RIMBP2: variants seen among roughly 807,000 people sequenced by gnomAD.
RIMBP2 encodes the protein RIMS binding protein 2.
In RIMBP2, 48 loss-of-function variants were observed where a neutral mutation model predicts 118.6. That is an observed-to-expected ratio of 0.40 (90% confidence interval 0.32 to 0.51). RIMBP2 has a LOEUF of 0.51. Ranked by LOEUF, RIMBP2 falls within the 20% of genes least tolerant of loss-of-function variation. The pLI, the probability that RIMBP2 is intolerant of heterozygous loss-of-function variation, is 0.41. For synonymous variants in RIMBP2, 762 were observed against 742.9 expected, an observed-to-expected ratio of 1.03 and a Z score of -0.42; for missense variants, 1,551 against 1,768.3, an observed-to-expected ratio of 0.88 and a Z score of 2.20.
Position 130,422,755 on chromosome 12 carries a change from G to A in RIMBP2, c.3130-194C>T, listed in dbSNP as rs900759273. Reference sequence around the variant, plus strand: ...AGCACCCCACTGTCTACTCGGAGCCGCTGCTGGGCGCATGGTGGGGTGAGG... The same window carrying A: ...AGCACCCCACTGTCTACTCGGAGCCACTGCTGGGCGCATGGTGGGGTGAGG... On this transcript the variant is annotated intron_variant, in intron 16 of 22. Transcript: ENST00000690449. This position sits in a 1 kb window ranked among gnomAD's most constrained non-coding sequence, Gnocchi z 5.2. Among the ~76,000 whole-genome samples the A allele has an allele frequency of 4.6e-5, 7 of 152,220 alleles. No individual in the cohort carries two copies. The highest frequency in any genetic ancestry group is 2.0e-4 in the Admixed American group (3 of 15,284).
At chr12:130,423,446 G>A (rs918094397) in intron 16 of RIMBP2, among the ~76,000 whole-genome samples, 2 of 152,162 alleles carry the variant, frequency 1.3e-5, no homozygotes, top group African/African-American at 2.4e-5. Context: ...TGTTTTCAAT[G>A]AAAAGGTCAG....
rs1446933158 is a variant in RIMBP2, at chr12:130,424,473, C to CCAAACCGCG, written c.2789_2797dup (p.Phe932_Gly933insAlaArgPhe). On this transcript the variant is annotated inframe_insertion, in exon 16 of 23. Transcript: ENST00000690449. The surrounding 1 kb of genome is among the most constrained non-coding windows in gnomAD (Gnocchi z 9.8). ...GCACGCGGCCACGGTGTTTCCGAAGCCAAACCGCGACTCGTCCTCTTCACT... is the reference window on the plus strand; with the variant it reads ...GCACGCGGCCACGGTGTTTCCGAAGCCAAACCGCGCAAACCGCGACTCGTCCTCTTCACT... 1.6e-6 allele frequency: 2 copies of CCAAACCGCG among 1,232,014 alleles called. No homozygotes were observed. The highest frequency in any genetic ancestry group is 2.0e-6 in the Non-Finnish European group (2 of 987,852). The allele number at this position is 1,232,014 out of a possible 1,614,324, so 76.3% of individuals were successfully genotyped here.
rs531513141 is a variant in RIMBP2 at position 130,442,921 on chromosome 12, G to A, written c.692-261C>T. On this transcript the variant is annotated intron_variant, in intron 10 of 22. Coordinates refer to ENST00000690449, the MANE Select transcript of RIMBP2 (RefSeq NM_001393629.1). The surrounding 1 kb of genome is among the most constrained non-coding windows in gnomAD (Gnocchi z 6.9). ...CTGAAACCATCATGTTTGTGTATCC[G>A]TGTACGTACACTGACTACCCCCTCC... Among the ~76,000 whole-genome samples, 22 of 152,014 alleles carry A rather than the reference G, an allele frequency of 1.4e-4. No individual in the cohort carries two copies. Among genetic ancestry groups the A allele is most frequent in the Non-Finnish European group, 2.5e-4 (17 of 68,018 alleles).
chr12:130,557,910 G>C (rs116592470), intron 2 of RIMBP2, among the ~76,000 whole-genome samples: 3 of 152,040 alleles, frequency 2.0e-5, no homozygotes, highest in Non-Finnish European at 4.4e-5. Flanking sequence ...CTGTGGCTTC[G>C]GCAAGTTACT....
At chr12:130,411,531 A>G (rs2075714126) in intron 19 of RIMBP2, among the ~76,000 whole-genome samples, 1 of 146,084 alleles carries the variant, frequency 6.8e-6, no homozygotes, top group Admixed American at 7.2e-5. Context: ...TCCCTTGGCC[A>G]TCGACATTTA....
intron 4 of RIMBP2, among the ~76,000 whole-genome samples, chr12:130,496,550 G>A (rs77341175): frequency 0.015 from 2,302 of 152,224 alleles, 62 homozygotes; most frequent in African/African-American, 0.053. Flanking sequence ...CTTCCTGCAG[G>A]AGGGATGCTT....
chr12:130,541,449 G>A (rs1382370970), intron 2 of RIMBP2, among the ~76,000 whole-genome samples: 1 of 152,198 alleles, frequency 6.6e-6, no homozygotes, highest in Non-Finnish European at 1.5e-5. Context: ...GGCAACTTGT[G>A]GATGATATTG....
intron 2 of RIMBP2, among the ~76,000 whole-genome samples, chr12:130,544,872 T>C (rs2054964071): frequency 6.6e-6 from 1 of 152,140 alleles, no homozygotes; most frequent in Non-Finnish European, 1.5e-5. Flanking sequence ...GAGGCCTTTA[T>C]ACTTCAGGTT....
chr12:130,556,071 C>T (rs745358952), intron 2 of RIMBP2, among the ~76,000 whole-genome samples: 13 of 152,206 alleles, frequency 8.5e-5, no homozygotes, highest in Non-Finnish European at 1.3e-4. Flanking sequence ...ATGAGCAGCA[C>T]TGTGCTAGAT....
intron 22 of RIMBP2, chr12:130,397,786 C>T (rs566473894): frequency 1.3e-3 from 439 of 331,300 alleles, no homozygotes; most frequent in Non-Finnish European, 2.1e-3. Flanking sequence ...GCGGGGTGGC[C>T]GTTGCTTTGG....
Position 130,493,546 on chromosome 12 carries a change from C to T in RIMBP2, c.-4+13102G>A, listed in dbSNP as rs140208562. On this transcript the variant is annotated intron_variant, in intron 4 of 22. Transcript: ENST00000690449. ...GCCAGGCTGGTCTCAAACTCCTGAC[C>T]TCAGGTGATCTGCCTGCCTCAACCT... is the stretch of plus-strand genomic sequence containing the variant. Among the ~76,000 whole-genome samples the T allele has an allele frequency of 1.8e-3, 276 of 152,222 alleles. 8 individuals are homozygous for T. In the East Asian group the frequency reaches 0.045, roughly 25 times the overall value.
At chr12:130,644,181 G>C (rs1171945869) in intron 1 of RIMBP2, among the ~76,000 whole-genome samples, 1 of 152,188 alleles carries the variant, frequency 6.6e-6, no homozygotes, top group African/African-American at 2.4e-5. Flanking sequence ...ACGAAGGAAA[G>C]GAAGTGGAGA....
At chr12:130,616,646 A>G (rs1043522338) in intron 2 of RIMBP2, among the ~76,000 whole-genome samples, 5 of 152,254 alleles carry the variant, frequency 3.3e-5, no homozygotes, top group Admixed American at 3.3e-4. Context: ...GATAGAGGTT[A>G]CGGAATCTTC....
At chr12:130,667,092 GA>G (rs2063972475) in intron 1 of RIMBP2, among the ~76,000 whole-genome samples, 1 of 58,676 alleles carries the variant, frequency 1.7e-5, no homozygotes, top group Non-Finnish European at 3.9e-5. Flanking sequence ...ATGAGGGAGG[GA>G]GGATGGGAGA....
At chr12:130,644,345 T>G (rs754010736) in intron 1 of RIMBP2, among the ~76,000 whole-genome samples, 2 of 152,152 alleles carry the variant, frequency 1.3e-5, no homozygotes, top group Non-Finnish European at 2.9e-5. Flanking sequence ...CTTAATCCAT[T>G]AGGGCAGACA....
intron 2 of RIMBP2, among the ~76,000 whole-genome samples, chr12:130,550,530 AATG>A (rs1450350087): frequency 1.1e-4 from 16 of 152,212 alleles, no homozygotes; most frequent in African/African-American, 3.9e-4. Context: ...CACGGTGGTG[AATG>A]ATGTTTCCAC....
chr12:130,606,658 G>T (rs1298832045), intron 2 of RIMBP2, among the ~76,000 whole-genome samples: 1 of 152,194 alleles, frequency 6.6e-6, no homozygotes, highest in Non-Finnish European at 1.5e-5. Flanking sequence ...GCTGTAAACT[G>T]TTGGAGCAAG....
intron 2 of RIMBP2, among the ~76,000 whole-genome samples, chr12:130,561,661 C>T (rs945086387): frequency 2.0e-5 from 3 of 152,200 alleles, no homozygotes; most frequent in Non-Finnish European, 2.9e-5. Flanking sequence ...TGGTCATTTG[C>T]GGTAGCTCTG....
chr12:130,653,921 C>T (rs564279611), intron 1 of RIMBP2, among the ~76,000 whole-genome samples: 5 of 152,318 alleles, frequency 3.3e-5, no homozygotes, highest in African/African-American at 7.2e-5. Flanking sequence ...TGCAGGGCAG[C>T]GGGGCCCTGG....
Sources: gnomAD v4.1 joint callset for allele counts (sites outside exome capture counted in the v4.1 genomes callset) on GRCh38, gnomAD v4.1.1 for gene constraint, Gnocchi (gnomAD v3.1) non-coding constraint, MANE v1.5 for transcripts, NCBI Gene and HGNC (gene_info 2026-07-23, HGNC 2026-07-21) for gene names.